The following CTIF variants were observed in gnomAD, a reference collection of about 807,000 sequenced individuals.
CTIF encodes the protein cap binding complex dependent translation initiation factor.
Under a neutral mutation model 66.0 loss-of-function variants are expected in CTIF, and 21 were observed. That is an observed-to-expected ratio of 0.32 (90% CI 0.23 to 0.46). The LOEUF is 0.46. CTIF is among the 20% of genes least tolerant of loss of function. The pLI is 1.00. For missense variants in CTIF, 739 were observed against 812.7 expected, an observed-to-expected ratio of 0.91 and a Z score of 1.10; for synonymous variants, 345 against 326.4, an observed-to-expected ratio of 1.06 and a Z score of -0.62.
intron 3 of CTIF, among the ~76,000 whole-genome samples, chr18:48,647,531 G>A (rs1323667769): frequency 6.6e-6 from 1 of 152,188 alleles, no homozygotes; most frequent in Non-Finnish European, 1.5e-5. Flanking sequence ...GGCACAAGAG[G>A]TCTCTTTGTA....
At position 48,652,617 on chromosome 18, in the gene CTIF, C is replaced by G. The variant is rs559112996; in HGVS notation, c.253-11135C>G. Among the ~76,000 whole-genome samples the G allele has an allele frequency of 7.2e-4, 110 of 152,318 alleles. 2 individuals are homozygous for G. Among genetic ancestry groups the G allele is most frequent in the African/African-American group, 2.6e-3 (107 of 41,570 alleles). Reference sequence around the variant, plus strand: ...CCAATCGAAAAACAGGGAATCCTCTCTAACTCATTTTATAAGGCCAGCATT... The same window carrying G: ...CCAATCGAAAAACAGGGAATCCTCTGTAACTCATTTTATAAGGCCAGCATT... On this transcript the variant is annotated intron_variant, in intron 3 of 11. Coordinates refer to ENST00000256413, the MANE Select transcript of CTIF (RefSeq NM_014772.3).
intron 2 of CTIF, among the ~76,000 whole-genome samples, chr18:48,635,370 G>A (rs563269128): frequency 7.2e-6 from 1 of 139,334 alleles, no homozygotes; most frequent in East Asian, 2.1e-4. Flanking sequence ...TCACCCAAGA[G>A]CATTGTGCAT....
chr18:48,773,278 G>T (rs1431105846), intron 9 of CTIF, among the ~76,000 whole-genome samples: 2 of 152,214 alleles, frequency 1.3e-5, no homozygotes, highest in Non-Finnish European at 2.9e-5. Flanking sequence ...TAGGATGTTG[G>T]ACTTAAAGAT....
rs11082714 is a variant in CTIF, at chr18:48,863,012, A to G, written c.*3453A>G. The G allele has an allele frequency of 0.077, 11,729 of 152,322 alleles. 719 individuals carry two copies. The highest frequency in any genetic ancestry group is 0.25 in the South Asian group (1,188 of 4,834). 9.4% of individuals were successfully genotyped at this position (152,322 alleles called of 1,614,324 possible). On this transcript the variant is annotated 3_prime_UTR_variant, in exon 12 of 12. Coordinates refer to ENST00000256413, the MANE Select transcript of CTIF (RefSeq NM_014772.3). ...ACTTTCCTCTGCGCGGAACACTCAC[A>G]CGGAAGGGCTGGCCGCCTCCCTGAG...
chr18:48,822,855 A>G (rs915365172), intron 10 of CTIF, among the ~76,000 whole-genome samples: 10 of 152,174 alleles, frequency 6.6e-5, no homozygotes, highest in African/African-American at 2.4e-4. Context: ...CCATTCTAAC[A>G]GGTATGAGGT....
chr18:48,831,898 A>G (rs895105192), intron 10 of CTIF, among the ~76,000 whole-genome samples: 7 of 152,332 alleles, frequency 4.6e-5, no homozygotes, highest in African/African-American at 1.7e-4. Context: ...GGACTCAGGC[A>G]CATTTGAAGT....
Position 48,575,832 on chromosome 18 carries a change from G to A in CTIF, c.-29+36520G>A, listed in dbSNP as rs146455731. The stretch of plus-strand genomic sequence containing the variant: ...GTAAACACAGAACAGCAACCACCCC[G>A]TGCAGCCTTCTCTCTCCAAGGTAAA... On this transcript the variant is annotated intron_variant, in intron 1 of 11. Coordinates refer to ENST00000256413, the MANE Select transcript of CTIF (RefSeq NM_014772.3). Among the ~76,000 whole-genome samples the A allele has an allele frequency of 1.5e-4, 23 of 152,352 alleles. No individual in the cohort carries two copies. The East Asian group carries it at 3.7e-3, about 24-fold the overall frequency.
chr18:48,661,303 A>G lies in CTIF; in HGVS notation c.253-2449A>G, dbSNP rs181292014. 6.8e-4 allele frequency among the ~76,000 whole-genome samples: 104 copies of G among 152,374 alleles called. 1 individual carries two copies. Among genetic ancestry groups the G allele is most frequent in the Non-Finnish European group, 1.3e-3 (89 of 68,036 alleles). ...AAGACACGTGTGGAGGAGAGGCTTC[A>G]GGTCACTGGGCTGAAGGAGGAAAAT... On this transcript the variant is annotated intron_variant, in intron 3 of 11. Transcript: ENST00000256413.
intron 6 of CTIF, among the ~76,000 whole-genome samples, chr18:48,676,312 G>A (rs2091628895): frequency 6.6e-6 from 1 of 152,164 alleles, no homozygotes; most frequent in African/African-American, 2.4e-5. Flanking sequence ...CCAGTGTCCT[G>A]CCCAGGGCTT....
intron 5 of CTIF, among the ~76,000 whole-genome samples, chr18:48,669,911 A>G (rs991226396): frequency 2.8e-5 from 4 of 145,212 alleles, no homozygotes; most frequent in African/African-American, 1.0e-4. Flanking sequence ...GCATCTAAGC[A>G]CTCCAGATAC....
chr18:48,625,996 C>CTTTTTTTTT (rs769138284), intron 2 of CTIF, among the ~76,000 whole-genome samples: 1 of 114,486 alleles, frequency 8.7e-6, no homozygotes, highest in African/African-American at 3.6e-5. Flanking sequence ...ATTTCTTTTT[C>CTTTTTTTTT]TTTCTTTTTT....
chr18:48,860,174 C>G lies in CTIF; in HGVS notation c.*615C>G, dbSNP rs1029807561. On this transcript the variant is annotated 3_prime_UTR_variant, in exon 12 of 12. Coordinates refer to ENST00000256413, the MANE Select transcript of CTIF (RefSeq NM_014772.3). ...CACCTCCAAGTCCTCCTCACTGCAG[C>G]CCCCACAGCCTCAGGCCTAGGGGGT... The G allele has an allele frequency of 2.8e-6, 1 of 354,264 alleles. No individual in the cohort carries two copies. The highest frequency in any genetic ancestry group is 5.6e-6 in the Non-Finnish European group (1 of 178,016). 21.9% of individuals were successfully genotyped at this position (354,264 alleles called of 1,614,324 possible). A position where few individuals can be genotyped will look rare whatever the true frequency, so the allele number is the denominator to read the frequency against.
At chr18:48,715,549 T>C (rs1452643169) in intron 7 of CTIF, among the ~76,000 whole-genome samples, 1 of 152,024 alleles carries the variant, frequency 6.6e-6, no homozygotes. Context: ...CCAGAGCACA[T>C]AGACCAGAAG....
chr18:48,626,293 G>A (rs900847867), intron 2 of CTIF, among the ~76,000 whole-genome samples: 14 of 150,390 alleles, frequency 9.3e-5, no homozygotes, highest in Non-Finnish European at 1.6e-4. Flanking sequence ...GAGCCACCGC[G>A]CCCGGCCACA....
At chr18:48,684,422 C>G (rs962690336) in intron 6 of CTIF, among the ~76,000 whole-genome samples, 1 of 152,028 alleles carries the variant, frequency 6.6e-6, no homozygotes, top group Non-Finnish European at 1.5e-5. Flanking sequence ...AGTGGTACCA[C>G]CCTATTTCGA....
At chr18:48,849,000 C>T (rs1277090623) in intron 10 of CTIF, among the ~76,000 whole-genome samples, 3 of 152,142 alleles carry the variant, frequency 2.0e-5, no homozygotes, top group African/African-American at 7.2e-5. Context: ...GCTTGCCTGC[C>T]CCAGCCCGCC....
chr18:48,545,904 C>T (rs750004352), intron 1 of CTIF, among the ~76,000 whole-genome samples: 18 of 152,272 alleles, frequency 1.2e-4, no homozygotes, highest in Admixed American at 2.6e-4. Context: ...GGAAGCCAGG[C>T]GGGGATGCTG....
intron 3 of CTIF, among the ~76,000 whole-genome samples, chr18:48,645,202 G>A (rs760034221): frequency 1.1e-4 from 16 of 141,808 alleles, no homozygotes; most frequent in Non-Finnish European, 6.0e-5. Flanking sequence ...CCTGAGGAAC[G>A]ACACAGCGAG....
intron 10 of CTIF, among the ~76,000 whole-genome samples, chr18:48,852,233 TAAAAA>T (rs10591389): frequency 3.8e-3 from 250 of 66,570 alleles, no homozygotes; most frequent in African/African-American, 0.01. Context: ...GACCCTGTCT[TAAAAA>T]AAAAAAAAAA....
Sources: allele counts gnomAD v4.1 joint callset (sites outside exome capture counted in the v4.1 genomes callset), GRCh38; gene constraint gnomAD v4.1.1; transcripts MANE v1.5; gene names NCBI Gene and HGNC (gene_info 2026-07-23, HGNC 2026-07-21).